PLEKHB2: variants seen among roughly 807,000 people sequenced by gnomAD.
PLEKHB2 encodes the protein pleckstrin homology domain containing B2.
In PLEKHB2, 31 loss-of-function variants were observed where a neutral mutation model predicts 36.5. The ratio of observed to expected loss-of-function variants is 0.85; its 90% CI spans 0.64 to 1.15. PLEKHB2 has a LOEUF of 1.15. PLEKHB2 is among the 50% of genes most tolerant of loss of function. The probability of loss-of-function intolerance (pLI) is 0.00; values close to 1 mark genes in which losing one functional copy is unlikely to be tolerated. For missense variants in PLEKHB2, 262 were observed against 295.3 expected, an observed-to-expected ratio of 0.89 and a Z score of 0.83; for synonymous variants, 119 against 112.0, an observed-to-expected ratio of 1.06 and a Z score of -0.39.
chr2:131,114,417 C>T (rs1465555211), intron 1 of PLEKHB2, among the ~76,000 whole-genome samples: 1 of 152,220 alleles, frequency 6.6e-6, no homozygotes, highest in African/African-American at 2.4e-5. Context: ...AGCCATGGCC[C>T]ATCCCTGCCC....
chr2:131,122,848 T>C (rs938044489), intron 2 of PLEKHB2, among the ~76,000 whole-genome samples: 8 of 152,190 alleles, frequency 5.3e-5, no homozygotes, highest in African/African-American at 1.2e-4. Context: ...TGTTGAAGTC[T>C]AGCCCAAGTT....
At chr2:131,145,736 G>A (rs1699221172) in intron 7 of PLEKHB2, among the ~76,000 whole-genome samples, 1 of 152,204 alleles carries the variant, frequency 6.6e-6, no homozygotes, top group African/African-American at 2.4e-5. Flanking sequence ...AGGCATTATA[G>A]CTGTGAAGCA....
At chr2:131,106,020 C>T (rs945903363) in intron 1 of PLEKHB2, among the ~76,000 whole-genome samples, 3 of 152,234 alleles carry the variant, frequency 2.0e-5, no homozygotes, top group African/African-American at 4.8e-5. Flanking sequence ...TGCTCTTGGC[C>T]TTGCAATGTC....
At chr2:131,142,576 C>CTT (rs1041202610) in intron 7 of PLEKHB2, among the ~76,000 whole-genome samples, 2 of 130,038 alleles carry the variant, frequency 1.5e-5, no homozygotes, top group African/African-American at 2.8e-5. Context: ...CTTTTTTTTT[C>CTT]TTTTTTTTTT....
chr2:131,142,034 A>G (rs1491003109), intron 7 of PLEKHB2, among the ~76,000 whole-genome samples: 3 of 152,220 alleles, frequency 2.0e-5, no homozygotes, highest in African/African-American at 7.2e-5. Flanking sequence ...GGAATCCACC[A>G]TGGATAGGAT....
chr2:131,143,145 G>T (rs1404732187), intron 7 of PLEKHB2, among the ~76,000 whole-genome samples: 1 of 152,148 alleles, frequency 6.6e-6, no homozygotes, highest in East Asian at 1.9e-4. Flanking sequence ...GCAGTTGAAG[G>T]TAGGCTATGC....
At chr2:131,121,613 G>A (rs892093640) in intron 2 of PLEKHB2, among the ~76,000 whole-genome samples, 1 of 152,122 alleles carries the variant, frequency 6.6e-6, no homozygotes, top group African/African-American at 2.4e-5. Context: ...TGAGATACTG[G>A]AACAGAGGTG....
rs542850192 is a variant in PLEKHB2 at position 131,140,335 on chromosome 2, A to C, written c.532+60A>C. 9 of 862,142 alleles carry C rather than the reference A, an allele frequency of 1.0e-5. No homozygotes were observed. In the East Asian group the frequency reaches 2.2e-4, roughly 21 times the overall value. The allele number at this position is 862,142 out of a possible 1,614,324, so 53.4% of individuals were successfully genotyped here. On this transcript the variant is annotated intron_variant, in intron 7 of 7. Transcript: ENST00000693505. ...TCCATTTGCTGAGTAGACCAGAGAG[A>C]CCTGTAAACGTTTTTATTTTTCAGT...
chr2:131,145,895 AGGCCGGGCCG>A (rs1348522216), intron 7 of PLEKHB2, among the ~76,000 whole-genome samples: 7 of 152,026 alleles, frequency 4.6e-5, no homozygotes, highest in African/African-American at 1.7e-4. Flanking sequence ...AAAAAAGAGT[AGGCCGGGCCG>A]GGCGTGGTGG....
chr2:131,131,192 C>G (rs1377285107), intron 5 of PLEKHB2, among the ~76,000 whole-genome samples: 5 of 152,172 alleles, frequency 3.3e-5, no homozygotes, highest in Non-Finnish European at 5.9e-5. Flanking sequence ...GGGCAGGGCG[C>G]CTTTTGCCAA....
At chr2:131,109,248 A>G (rs962651279) in intron 1 of PLEKHB2, among the ~76,000 whole-genome samples, 1 of 152,208 alleles carries the variant, frequency 6.6e-6, no homozygotes, top group African/African-American at 2.4e-5. Context: ...TTCTCTCCCC[A>G]ATTTAAAAAC....
intron 5 of PLEKHB2, among the ~76,000 whole-genome samples, 188 bp downstream of exon 5, chr2:131,130,948 G>A (rs1289842552): frequency 6.6e-6 from 1 of 151,952 alleles, no homozygotes; most frequent in Non-Finnish European, 1.5e-5. Flanking sequence ...ACCACGCCCA[G>A]CTTATTTGAA....
In PLEKHB2 at chr2:131,111,524, C is replaced by G. The variant is rs189763868; in HGVS notation, c.-9+6126C>G. On this transcript the variant is annotated intron_variant, in intron 1 of 7. Transcript: ENST00000693505. ...TTTTTTTTTGAGATGGAGTCTCACT[C>G]CAGTCACCCAGGCTGGAGTGCAGTG... Among the ~76,000 whole-genome samples the G allele has an allele frequency of 6.8e-5, 10 of 146,632 alleles. No homozygotes were observed. In the East Asian group the frequency reaches 2.0e-3, roughly 30 times the overall value.
rs1384156349 is a variant in PLEKHB2 at position 131,120,953 on chromosome 2, G to A, written c.12G>A (p.Val4=). 1.2e-6 allele frequency: 2 copies of A among 1,614,230 alleles called. No homozygotes were observed. The highest frequency in any genetic ancestry group is 2.2e-5 in the South Asian group (2 of 91,082). Residue 4 remains valine, a synonymous_variant, in exon 2 of 8, where the codon GTG becomes GTA. Transcript: ENST00000693505. ...CTGTAGGTGAAGAGATGGCGTTTGT[G>A]AAGAGTGGCTGGTTGCTGCGACAGA... MAF[V]KSGWLLRQST... is the part of the protein sequence containing the mutation.
rs200182607 is a variant in PLEKHB2 at position 131,130,694 on chromosome 2, A to G, written c.294-27A>G. On this transcript the variant is annotated intron_variant, in intron 4 of 7. Transcript: ENST00000693505. ...TCATTGCAATGTTGGATTGCCTTAA[A>G]TAAAGTACCCTTTTTCTTTTCTCCA... 8 of 1,567,164 alleles carry G rather than the reference A, an allele frequency of 5.1e-6. No individual in the cohort carries two copies. In the East Asian group the frequency reaches 1.8e-4, roughly 35 times the overall value.
chr2:131,113,299 C>G (rs909489000), intron 1 of PLEKHB2, among the ~76,000 whole-genome samples: 2 of 152,112 alleles, frequency 1.3e-5, no homozygotes, highest in Non-Finnish European at 2.9e-5. Flanking sequence ...TCTCAAACTC[C>G]TGAGCTCAAG....
rs761327891 is a variant in PLEKHB2 at position 131,140,138 on chromosome 2, G to A, written c.424-29G>A. On this transcript the variant is annotated intron_variant, in intron 6 of 7. Transcript: ENST00000693505. Reference sequence around the variant, plus strand: ...ATACATTACCAGAGGTTTCACAATTGTATTTCTAATGGGCCTGTTTCTTTT... The same window carrying A: ...ATACATTACCAGAGGTTTCACAATTATATTTCTAATGGGCCTGTTTCTTTT... The A allele has an allele frequency of 4.4e-6, 6 of 1,373,220 alleles. No homozygotes were observed. The African/African-American group carries it at 7.2e-5, about 16-fold the overall frequency. The allele number at this position is 1,373,220 out of a possible 1,614,324, so 85.1% of individuals were successfully genotyped here. A position where few individuals can be genotyped will look rare whatever the true frequency, so the allele number is the denominator to read the frequency against.
chr2:131,131,852 T>A (rs573551998), intron 5 of PLEKHB2, among the ~76,000 whole-genome samples: 49 of 151,904 alleles, frequency 3.2e-4, no homozygotes, highest in Non-Finnish European at 2.8e-4. Flanking sequence ...TTTTTTTTTT[T>A]TGAGACAGTC....
At chr2:131,121,028 C>G in intron 2 of PLEKHB2, 50 bp downstream of exon 2, 9 of 1,578,142 alleles carry the variant, frequency 5.7e-6, no homozygotes, top group Non-Finnish European at 7.0e-6. Context: ...AGGGCAGTCT[C>G]TATTTCTGTT....
Sources: allele counts gnomAD v4.1 joint callset (sites outside exome capture counted in the v4.1 genomes callset), GRCh38; gene constraint gnomAD v4.1.1; transcripts MANE v1.5; gene names NCBI Gene and HGNC (gene_info 2026-07-23, HGNC 2026-07-21).